Variants in IQSEC1 observed in about 807,000 individuals in gnomAD.
IQSEC1 encodes the protein IQ motif and SEC7 domain-containing protein 1.
A neutral mutation model predicts 91.0 loss-of-function variants in IQSEC1; 31 were observed. That is an observed-to-expected ratio of 0.34 (90% CI 0.26 to 0.46). IQSEC1 has a LOEUF of 0.46. Among genes scored for constraint, IQSEC1 ranks in the 20% least tolerant of loss-of-function variants. The pLI is 1.00. For missense variants in IQSEC1, 1,388 were observed against 1,575.6 expected (o/e 0.88, Z 2.02); for synonymous variants, 699 against 662.6 (o/e 1.05, Z -0.84).
At chr3:12,963,760 C>G (rs1427001348) in intron 1 of IQSEC1, among the ~76,000 whole-genome samples, 1 of 152,244 alleles carries the variant, frequency 6.6e-6, no homozygotes, top group East Asian at 1.9e-4. Flanking sequence ...CTACTAACCT[C>G]AGTGCTTCTA....
intron 1 of IQSEC1, among the ~76,000 whole-genome samples, chr3:13,007,993 C>G (rs1702710580): frequency 1.3e-5 from 2 of 152,310 alleles, no homozygotes; most frequent in Admixed American, 6.5e-5. Flanking sequence ...CTCTGACCTT[C>G]TAAGCCTGCA....
chr3:13,006,362 C>T (rs1023399155), intron 1 of IQSEC1, among the ~76,000 whole-genome samples: 1 of 152,126 alleles, frequency 6.6e-6, no homozygotes, highest in African/African-American at 2.4e-5. Context: ...GAAGGGACCC[C>T]GGTGTGAGAG....
At chr3:12,903,364 C>T (rs762225155) in intron 12 of IQSEC1, among the ~76,000 whole-genome samples, 15 of 151,848 alleles carry the variant, frequency 9.9e-5, no homozygotes, top group South Asian at 2.1e-4. Flanking sequence ...TTCACATCCC[C>T]GCTTCCTCCC....
At position 13,234,247 on chromosome 3, in the gene IQSEC1, C is replaced by T. The variant is rs111707859; in HGVS notation, c.272+48464G>A. On this transcript the variant is annotated intron_variant, in intron 1 of 15. Coordinates refer to the IQSEC1 transcript ENST00000648114. ...CCGTGTCTGTGCCTGTGGGTGTGAG[C>T]CCCCGTGTCTGTGCCTGTGGGTGTG... Among the ~76,000 whole-genome samples, 369 of 144,528 alleles carry T rather than the reference C, an allele frequency of 2.6e-3. 3 individuals are homozygous for T. Among genetic ancestry groups the T allele is most frequent in the African/African-American group, 9.3e-3 (350 of 37,528 alleles). 94.8% of individuals were successfully genotyped at this position (144,528 alleles called of 152,430 possible).
At chr3:12,937,466 A>T (rs969724446) in intron 2 of IQSEC1, among the ~76,000 whole-genome samples, 2 of 152,218 alleles carry the variant, frequency 1.3e-5, no homozygotes, top group African/African-American at 4.8e-5. Context: ...TTGTGGCCAG[A>T]TGGGTCACTG....
rs774589168 is a variant in IQSEC1 at position 13,154,438 on chromosome 3, CATATATATATATATAT to C, written c.302+9650_302+9665del. On this transcript the variant is annotated intron_variant, in intron 2 of 15. Transcript: ENST00000648114. ...ACACCAGGAAGCTGGAACTTACATG[CATATATATATATATAT>C]ATATATATATATATATATATATGCA... 2.3e-3 allele frequency among the ~76,000 whole-genome samples: 47 copies of C among 20,758 alleles called. 4 individuals are homozygous for C. Among genetic ancestry groups the C allele is most frequent in the Admixed American group, 4.6e-3 (7 of 1,536 alleles). The allele number at this position is 20,758 out of a possible 152,430, so 13.6% of individuals were successfully genotyped here.
chr3:13,027,742 G>A (rs1271827926), intron 1 of IQSEC1, among the ~76,000 whole-genome samples: 1 of 152,144 alleles, frequency 6.6e-6, no homozygotes, highest in Non-Finnish European at 1.5e-5. Context: ...GGGATGATGA[G>A]GCAAGGCAGA....
chr3:13,253,086 T>C (rs1365534382), intron 1 of IQSEC1, among the ~76,000 whole-genome samples: 1 of 152,230 alleles, frequency 6.6e-6, no homozygotes, highest in Non-Finnish European at 1.5e-5. Context: ...AGGTTGCTTC[T>C]CGCTGTGGCT....
intron 2 of IQSEC1, among the ~76,000 whole-genome samples, chr3:13,108,328 G>C (rs1264391016): frequency 6.6e-6 from 1 of 152,162 alleles, no homozygotes; most frequent in Non-Finnish European, 1.5e-5. Context: ...TCATAAAGCA[G>C]TGTGGTGAGG....
chr3:13,262,196 T>C (rs1319881466), intron 1 of IQSEC1, among the ~76,000 whole-genome samples: 1 of 152,240 alleles, frequency 6.6e-6, no homozygotes, highest in Admixed American at 6.5e-5. Context: ...TGAGCCACGA[T>C]AACAACTGAC....
At chr3:13,061,104 C>T (rs1705052345) in intron 1 of IQSEC1, among the ~76,000 whole-genome samples, 2 of 152,184 alleles carry the variant, frequency 1.3e-5, no homozygotes, top group South Asian at 4.1e-4. Flanking sequence ...TGGCCTGGCC[C>T]TCCCTGAGAA....
At chr3:12,960,858 G>A (rs148642538) in intron 1 of IQSEC1, among the ~76,000 whole-genome samples, 5 of 152,256 alleles carry the variant, frequency 3.3e-5, no homozygotes, top group East Asian at 3.9e-4. Flanking sequence ...CTGCCGGCAC[G>A]CATAGTCACC....
At chr3:13,196,751 T>TGC (rs1439639653) in intron 1 of IQSEC1, among the ~76,000 whole-genome samples, 5 of 22,348 alleles carry the variant, frequency 2.2e-4, no homozygotes, top group East Asian at 1.0e-3. Flanking sequence ...TGTGTGTGCG[T>TGC]GTGTGTGTGT....
At chr3:12,941,454 A>G (rs1380095736) in intron 2 of IQSEC1, 117 bp downstream of exon 2, 1 of 1,067,178 alleles carries the variant, frequency 9.4e-7, no homozygotes, top group Non-Finnish European at 1.3e-6. Context: ...CTTAGCCCAC[A>G]TGCACCCCAA....
chr3:12,980,385 G>C (rs753820045), intron 1 of IQSEC1, among the ~76,000 whole-genome samples: 2 of 152,192 alleles, frequency 1.3e-5, no homozygotes, highest in Non-Finnish European at 2.9e-5. Context: ...GACCCAGACG[G>C]ACCACTTCAG....
rs1694265111 is a variant in IQSEC1, at chr3:12,901,295, G to A, written c.3033C>T (p.His1011=). 1.3e-6 allele frequency: 2 copies of A among 1,546,790 alleles called. No individual in the cohort carries two copies. The highest frequency in any genetic ancestry group is 1.7e-6 in the Non-Finnish European group (2 of 1,145,890). Residue 1011 remains histidine (H), a synonymous_variant, in exon 14 of 14, where the codon CAC becomes CAT. Coordinates refer to ENST00000613206, the MANE Select transcript of IQSEC1 (RefSeq NM_001134382.3). ...LPHLQHSVAG[H]HLGPPEGLPQ... is the part of the protein sequence containing the mutation. Reference sequence around the variant, plus strand: ...GCAGCCCCTCTGGGGGCCCCAGGTGGTGGCCAGCCACAGAGTGCTGCAAGT... The same window carrying A: ...GCAGCCCCTCTGGGGGCCCCAGGTGATGGCCAGCCACAGAGTGCTGCAAGT...
Position 12,935,323 on chromosome 3 carries a change from G to A in IQSEC1, c.1568+125C>T, listed in dbSNP as rs944869899. ...TCCTAGCCACCGACCTTGTGTGGCAGCTTCCTATGCTCATAGGCCACGGTG... is the reference window on the plus strand; with the variant it reads ...TCCTAGCCACCGACCTTGTGTGGCAACTTCCTATGCTCATAGGCCACGGTG... On this transcript the variant is annotated intron_variant, in intron 3 of 13. Transcript: ENST00000613206. The surrounding 1 kb of genome is among the most constrained non-coding windows in gnomAD (Gnocchi z 8.0). The A allele has an allele frequency of 1.1e-5, 10 of 922,480 alleles. No homozygotes were observed. The highest frequency in any genetic ancestry group is 2.4e-5 in the Admixed American group (1 of 40,890). 57.1% of individuals were successfully genotyped at this position (922,480 alleles called of 1,614,324 possible). A position where few individuals can be genotyped will look rare whatever the true frequency, so the allele number is the denominator to read the frequency against.
At chr3:13,096,008 A>T (rs1705949032) in intron 2 of IQSEC1, among the ~76,000 whole-genome samples, 1 of 152,108 alleles carries the variant, frequency 6.6e-6, no homozygotes, top group Non-Finnish European at 1.5e-5. Context: ...CATGGCTTCA[A>T]TCCTGGCTCC....
At chr3:12,966,995 C>CCCTCCTG in intron 1 of IQSEC1, among the ~76,000 whole-genome samples, 1 of 152,238 alleles carries the variant, frequency 6.6e-6, no homozygotes, top group African/African-American at 2.4e-5. Context: ...TCTCCGCTCT[C>CCCTCCTG]CCTCCTGCCC....
Sources: gnomAD v4.1 joint callset for allele counts (sites outside exome capture counted in the v4.1 genomes callset) on GRCh38, gnomAD v4.1.1 for gene constraint, Gnocchi (gnomAD v3.1) non-coding constraint, MANE v1.5 for transcripts, NCBI Gene and HGNC (gene_info 2026-07-23, HGNC 2026-07-21) for gene names.